Variants in SHISA9 observed in about 807,000 individuals in gnomAD.
SHISA9 encodes protein shisa-9.
Under a neutral mutation model 38.0 loss-of-function variants are expected in SHISA9, and 13 were observed. The ratio of observed to expected loss-of-function variants is 0.34; its 90% confidence interval spans 0.22 to 0.54. The LOEUF (loss-of-function observed/expected upper bound fraction) is 0.54. Among genes scored for constraint, SHISA9 ranks in the 20% least tolerant of loss-of-function variants. SHISA9 has a pLI of 0.91. For synonymous variants in SHISA9, 275 were observed against 242.0 expected (o/e 1.14, Z -1.27); for missense variants, 538 against 575.8 (o/e 0.93, Z 0.67).
At chr16:13,055,047 A>C (rs1399030918) in intron 2 of SHISA9, among the ~76,000 whole-genome samples, 1 of 152,224 alleles carries the variant, frequency 6.6e-6, no homozygotes, top group African/African-American at 2.4e-5. Flanking sequence ...ATATGTATGC[A>C]TATCATTATT....
the SHISA9 span, among the ~76,000 whole-genome samples, chr16:13,321,030 G>A: frequency 6.6e-6 from 1 of 152,218 alleles, no homozygotes; most frequent in African/African-American, 2.4e-5. Context: ...GTGCCACCAA[G>A]GAACTAAATT....
At chr16:13,466,525 G>T in the SHISA9 span, among the ~76,000 whole-genome samples, 3 of 152,134 alleles carry the variant, frequency 2.0e-5, no homozygotes, top group Non-Finnish European at 4.4e-5. Context: ...CAACTGAGTT[G>T]CTTATTGAGG....
At position 13,099,511 on chromosome 16, in the gene SHISA9, T is replaced by C. The variant is rs73520658; in HGVS notation, c.692-103883T>C. ...TTCTGGGCCAACATCACTAAGAAGA[T>C]GCCATTTCAGCCTTGACTTGATGGG... On this transcript the variant is annotated intron_variant, in intron 2 of 4. Coordinates refer to ENST00000558583, the MANE Select transcript of SHISA9 (RefSeq NM_001145204.3). Among the ~76,000 whole-genome samples, 373 of 152,134 alleles carry C rather than the reference T, an allele frequency of 2.5e-3. 2 individuals are homozygous for C. Among genetic ancestry groups the C allele is most frequent in the African/African-American group, 8.5e-3 (353 of 41,494 alleles).
the SHISA9 span, among the ~76,000 whole-genome samples, chr16:13,389,419 T>C: frequency 2.6e-5 from 4 of 152,206 alleles, no homozygotes; most frequent in African/African-American, 7.2e-5. Flanking sequence ...TAGTTCTAGA[T>C]AGTAATCTAT....
intron 2 of SHISA9, among the ~76,000 whole-genome samples, chr16:13,080,284 A>C (rs2073633134): frequency 6.6e-6 from 1 of 152,140 alleles, no homozygotes. Context: ...GACGCAGGAG[A>C]ATGGCATGAA....
the SHISA9 span, among the ~76,000 whole-genome samples, chr16:13,533,553 A>G: frequency 6.6e-6 from 1 of 151,992 alleles, no homozygotes; most frequent in Non-Finnish European, 1.5e-5. Context: ...GGACCTCTTC[A>G]TCACCCCACC....
rs145304106 is a variant in SHISA9 at position 13,221,396 on chromosome 16, A to G, written c.895+8096A>G. Among the ~76,000 whole-genome samples the G allele has an allele frequency of 3.3e-3, 502 of 150,028 alleles. 2 individuals carry two copies. Among genetic ancestry groups the G allele is most frequent in the African/African-American group, 0.012 (489 of 40,848 alleles). On this transcript the variant is annotated intron_variant, in intron 4 of 4. Transcript: ENST00000558583. ...TGAGACAGCCTCTGGAATCTGCACA[A>G]CTTTATACCATGTAGTTCAAAAGAA... is the stretch of plus-strand genomic sequence containing the variant.
At chr16:13,348,364 T>G in the SHISA9 span, among the ~76,000 whole-genome samples, 1 of 152,078 alleles carries the variant, frequency 6.6e-6, no homozygotes, top group African/African-American at 2.4e-5. Flanking sequence ...AAATTTTGGA[T>G]TTTTTTGATT....
chr16:12,954,102 G>T (rs1466262020), intron 2 of SHISA9, among the ~76,000 whole-genome samples: 1 of 152,142 alleles, frequency 6.6e-6, no homozygotes, highest in Non-Finnish European at 1.5e-5. Flanking sequence ...GTGGCGAGAT[G>T]ATTTAAGACT....
chr16:13,398,264 G>A, the SHISA9 span, among the ~76,000 whole-genome samples: 1 of 152,132 alleles, frequency 6.6e-6, no homozygotes, highest in African/African-American at 2.4e-5. Context: ...CGGGGGTGGA[G>A]CCCTGGCCAA....
intron 2 of SHISA9, among the ~76,000 whole-genome samples, chr16:12,985,538 T>C (rs957275567): frequency 6.6e-6 from 1 of 152,164 alleles, no homozygotes; most frequent in Non-Finnish European, 1.5e-5. Context: ...CATTGGGCAC[T>C]GAAGGGGCTG....
chr16:12,945,741 A>C (rs1185495763), intron 2 of SHISA9, among the ~76,000 whole-genome samples: 2 of 152,236 alleles, frequency 1.3e-5, no homozygotes, highest in Non-Finnish European at 2.9e-5. Flanking sequence ...ATATATGTAG[A>C]GTACTTGGCT....
the SHISA9 span, chr16:13,350,344 G>A: frequency 6.6e-6 from 1 of 152,406 alleles, no homozygotes; most frequent in African/African-American, 2.4e-5. Flanking sequence ...CGTTGGAGTT[G>A]GACTGAGCCA....
At chr16:12,920,100 G>A (rs574440528) in intron 2 of SHISA9, among the ~76,000 whole-genome samples, 44 of 151,808 alleles carry the variant, frequency 2.9e-4, no homozygotes, top group East Asian at 7.8e-4. Flanking sequence ...TGTGGCTACA[G>A]CCTGGATCAA....
chr16:13,172,212 A>G (rs2050692455), intron 2 of SHISA9, among the ~76,000 whole-genome samples: 4 of 152,190 alleles, frequency 2.6e-5, no homozygotes, highest in African/African-American at 9.7e-5. Flanking sequence ...TCAGTTGGTT[A>G]TCAAATCAGT....
At chr16:13,146,522 CA>C (rs1333461967) in intron 2 of SHISA9, among the ~76,000 whole-genome samples, 1 of 152,126 alleles carries the variant, frequency 6.6e-6, no homozygotes, top group East Asian at 1.9e-4. Flanking sequence ...GTGTTACAGA[CA>C]ACTCAATTGT....
chr16:13,487,834 C>T, the SHISA9 span, among the ~76,000 whole-genome samples: 2 of 152,028 alleles, frequency 1.3e-5, no homozygotes, highest in Non-Finnish European at 2.9e-5. Flanking sequence ...AACATGTAAC[C>T]CTTGGATACA....
chr16:13,399,562 A>G, the SHISA9 span, among the ~76,000 whole-genome samples: 2 of 152,110 alleles, frequency 1.3e-5, no homozygotes. Flanking sequence ...CACCCCTTCT[A>G]GCCATGCTGC....
chr16:13,523,017 G>A, the SHISA9 span, among the ~76,000 whole-genome samples: 1 of 152,142 alleles, frequency 6.6e-6, no homozygotes, highest in Admixed American at 6.5e-5. Flanking sequence ...AAGGGTTCTT[G>A]TTGAGCATTA....
Sources: gnomAD v4.1 joint callset for allele counts (sites outside exome capture counted in the v4.1 genomes callset) on GRCh38, gnomAD v4.1.1 for gene constraint, MANE v1.5 for transcripts, NCBI Gene and HGNC (gene_info 2026-07-23, HGNC 2026-07-21) for gene names.